TTN: variants seen among roughly 807,000 people sequenced by gnomAD.
TTN encodes the protein connectin.
In TTN, 1,525 loss-of-function variants were observed where a neutral mutation model predicts 3,223.0. That is an observed-to-expected ratio of 0.47 (90% CI 0.45 to 0.49). The LOEUF (loss-of-function observed/expected upper bound fraction) is 0.49. Among genes scored for constraint, TTN ranks in the 20% least tolerant of loss-of-function variants. The pLI is 0.00. For synonymous variants in TTN, 14,094 were observed against 15,161.0 expected (o/e 0.93, Z 5.17); for missense variants, 40,786 against 43,424.0 (o/e 0.94, Z 5.40).
chr2:178,556,451 CAAACAA>C, intron 330 of TTN: 1 of 215,324 alleles, frequency 4.6e-6, no homozygotes, highest in Non-Finnish European at 8.9e-6. Context: ...AACAAACAAA[CAAACAA>C]AAAAAAAAAA....
Position 178,589,450 on chromosome 2 carries a change from C to T in TTN, c.62275G>A (p.Glu20759Lys), listed in dbSNP as rs562680371. 2.6e-4 allele frequency: 427 copies of T among 1,613,386 alleles called. 7 individuals are homozygous for T. In the South Asian group the frequency reaches 4.4e-3, roughly 17 times the overall value. ...GGESDWVKTE[E>K]VVVKEDLQKP... ...TGTAAGTCTTCTTTCACAACAACTT[C>T]CTCTGTCTTCACCCAGTCACTTTCC... Residue 20759 changes from glutamate (E) to lysine (K), a missense_variant, in exon 304 of 363, where the codon GAA (glutamate) becomes AAA (lysine). Coordinates refer to ENST00000589042, the MANE Select transcript of TTN (RefSeq NM_001267550.2).
chr2:178,617,543 A>T (rs778918376), intron 253 of TTN, 31 bp from the exon 254 acceptor site: 6 of 1,546,396 alleles, frequency 3.9e-6, no homozygotes, highest in Non-Finnish European at 5.2e-6. Context: ...GGAGCATACC[A>T]TTTACGTTAG....
chr2:178,620,822 G>T lies in TTN; in HGVS notation c.45788C>A (p.Thr15263Asn), dbSNP rs1198734931. The T allele has an allele frequency of 3.1e-6, 5 of 1,612,568 alleles. No individual in the cohort carries two copies. The highest frequency in any genetic ancestry group is 2.2e-5 in the East Asian group (1 of 44,762). Residue 15263 changes from threonine (T) to asparagine (N), a missense_variant, in exon 247 of 363, where the codon ACC (threonine) becomes AAC (asparagine). Transcript: ENST00000589042. Reference sequence around the variant, plus strand: ...TAAGTGTGCATCTCTAATTCTGAGGGTGTAGACTAGGTCTTTTTGGAGAAT... The same window carrying T: ...TAAGTGTGCATCTCTAATTCTGAGGTTGTAGACTAGGTCTTTTTGGAGAAT... ...YIILQKDLVYTLRIRDAHLDD... is the reference protein window; with the variant it reads ...YIILQKDLVYNLRIRDAHLDD...
At position 178,636,906 on chromosome 2, in the gene TTN, G is replaced by A. The variant is rs2060505689; in HGVS notation, c.40928-107C>T. The A allele has an allele frequency of 9.2e-6, 12 of 1,301,442 alleles. No individual in the cohort carries two copies. Among genetic ancestry groups the A allele is most frequent in the Middle Eastern group, 2.4e-4 (1 of 4,186 alleles). The allele number at this position is 1,301,442 out of a possible 1,614,324, so 80.6% of individuals were successfully genotyped here. The stretch of plus-strand genomic sequence containing the variant: ...ACCAGCCGTAAAGCAATTAGAAGAC[G>A]AGAAAACTAAAGACCAGGCAATTGA... On this transcript the variant is annotated intron_variant, in intron 224 of 362. Coordinates refer to ENST00000589042, the MANE Select transcript of TTN (RefSeq NM_001267550.2). This position sits in a 1 kb window ranked among gnomAD's most constrained non-coding sequence, Gnocchi z 4.3.
In TTN at chr2:178,557,967, G is replaced by C. The variant is rs1335641292; in HGVS notation, c.87387C>G (p.Phe29129Leu). Residue 29129 changes from phenylalanine to leucine, a missense_variant, in exon 328 of 363, where the codon TTC becomes TTG. Phe to Leu is a conservative substitution (Grantham distance 22). Transcript: ENST00000589042. ...GCCTGTCTAGCACAACAATGTTAAT[G>C]AAAGCTTTGGTTGTACCACTGGAGT... ...AANSSGTTKA[F>L]INIVVLDRPG... 1.9e-6 allele frequency: 3 copies of C among 1,613,246 alleles called. No individual in the cohort carries two copies. Among genetic ancestry groups the C allele is most frequent in the Non-Finnish European group, 2.5e-6 (3 of 1,179,876 alleles).
Position 178,774,055 on chromosome 2 carries a change from G to T in TTN, c.7113C>A (p.Asp2371Glu). ...GLSDQKVCEG[D>E]IVQLEVKVSL... Reference sequence around the variant, plus strand: ...AGACTTTAACTTCAAGCTGAACAATGTCACCCTCACAGACTTTTTGGTCAC... The same window carrying T: ...AGACTTTAACTTCAAGCTGAACAATTTCACCCTCACAGACTTTTTGGTCAC... The change falls in exon 31 of 363, where the codon GAC (aspartate) becomes GAA (glutamate). Residue 2371 changes from aspartate (D) to glutamate (E), a missense_variant. Physicochemically the swap from Asp to Glu is conservative, Grantham distance 45. Coordinates refer to ENST00000589042, the MANE Select transcript of TTN (RefSeq NM_001267550.2). 1 of 1,614,050 alleles carries T rather than the reference G, an allele frequency of 6.2e-7. No homozygotes were observed. The highest frequency in any genetic ancestry group is 8.5e-7 in the Non-Finnish European group (1 of 1,179,990).
chr2:178,739,052 C>G, intron 48 of TTN, 89 bp downstream of exon 48: 1 of 1,376,982 alleles, frequency 7.3e-7, no homozygotes, highest in Non-Finnish European at 9.5e-7. Flanking sequence ...CTGGAAGTGG[C>G]AGATAAGTGA....
At chr2:178,647,587 G>T in intron 213 of TTN, 123 bp from the exon 214 acceptor site, 1 of 860,498 alleles carries the variant, frequency 1.2e-6, no homozygotes, top group Non-Finnish European at 1.8e-6. Flanking sequence ...AATGGCTTCT[G>T]AGACATGGCA....
chr2:178,650,234 T>C lies in TTN; in HGVS notation c.39747A>G (p.Glu13249=), dbSNP rs1373434829. 1 of 1,594,864 alleles carries C rather than the reference T, an allele frequency of 6.3e-7. No individual in the cohort carries two copies. The highest frequency in any genetic ancestry group is 1.1e-5 in the South Asian group (1 of 87,978). The change falls in exon 210 of 363, where the codon GAA becomes GAG. Residue 13249 remains glutamate, a synonymous_variant. Transcript: ENST00000589042. ...EEPEEIAPEE[E]IAPEEEKPVP... ...CTGGCTTTTCCTCTTCAGGAGCAAT[T>C]TCCTCTTCAGGAGCAATTTCCTCAG...
Position 178,768,047 on chromosome 2 carries a change from A to C in TTN, c.9272T>G (p.Met3091Arg). The change falls in exon 39 of 363, where the codon ATG becomes AGG. Residue 3091 changes from methionine to arginine, a missense_variant. Transcript: ENST00000589042. ...GATCTGCAGTTCCTGGTCATCTTTC[A>C]TCCACTGTACAGTGATGTCAGGTTC... ...VSEPDITVQW[M>R]KDDQELQITD... is the part of the protein sequence containing the mutation. 6 of 1,614,134 alleles carry C rather than the reference A, an allele frequency of 3.7e-6. No homozygotes were observed. Among genetic ancestry groups the C allele is most frequent in the Non-Finnish European group, 5.1e-6 (6 of 1,180,014 alleles).
intron 349 of TTN, 54 bp downstream of exon 349, chr2:178,542,210 G>T: frequency 1.3e-6 from 2 of 1,499,436 alleles, no homozygotes; most frequent in Admixed American, 4.3e-5. Flanking sequence ...ATTCTTTTTT[G>T]TTAACATTCA....
At position 178,565,882 on chromosome 2, in the gene TTN, T is replaced by C. The variant is rs943041818; in HGVS notation, c.80250A>G (p.Gly26750=). 1 of 1,613,670 alleles carries C rather than the reference T, an allele frequency of 6.2e-7. No individual in the cohort carries two copies. Among genetic ancestry groups the C allele is most frequent in the East Asian group, 2.2e-5 (1 of 44,850 alleles). The part of the protein sequence containing the change: ...TSFKVENLTE[G]AIYYFRVMAE... ...CCATGACTCTGAAGTAATAAATGGC[T>C]CCTTCTGTAAGGTTTTCCACTTTAA... Residue 26750 remains glycine (G), a synonymous_variant, in exon 326 of 363, where the codon GGA becomes GGG. Coordinates refer to ENST00000589042, the MANE Select transcript of TTN (RefSeq NM_001267550.2).
At chr2:178,724,614 T>G in intron 71 of TTN, 76 bp from the exon 72 acceptor site, 1 of 1,421,506 alleles carries the variant, frequency 7.0e-7, no homozygotes, top group Non-Finnish European at 9.2e-7. Context: ...TCACTAAGAT[T>G]GTTTCTCCCA....
intron 83 of TTN, 57 bp downstream of exon 83, chr2:178,719,107 C>G (rs1171556144): frequency 1.3e-6 from 2 of 1,556,992 alleles, no homozygotes; most frequent in Non-Finnish European, 1.7e-6. Flanking sequence ...AAGGCAGGCA[C>G]CACGTCCACA....
Position 178,729,073 on chromosome 2 carries a change from G to A in TTN, c.18965C>T (p.Ser6322Phe). ...QSTVAGSPPI[S>F]ITWLKDDQIL... is the part of the protein sequence containing the mutation. ...CTGATCATCCTTTAGCCAGGTTATA[G>A]AAATAGGAGGAGAACCTGCCACGGT... Residue 6322 changes from serine (S) to phenylalanine (F), a missense_variant, in exon 65 of 363, where the codon TCT (serine) becomes TTT (phenylalanine). Ser to Phe is a radical substitution (Grantham distance 155). Transcript: ENST00000589042. 1 of 1,612,490 alleles carries A rather than the reference G, an allele frequency of 6.2e-7. No homozygotes were observed. The highest frequency in any genetic ancestry group is 8.5e-7 in the Non-Finnish European group (1 of 1,179,236).
In TTN at chr2:178,591,819, C is replaced by T. The variant is rs1559596455; in HGVS notation, c.60000G>A (p.Lys20000=). The T allele has an allele frequency of 6.2e-7, 1 of 1,613,286 alleles. No individual in the cohort carries two copies. The highest frequency in any genetic ancestry group is 8.5e-7 in the Non-Finnish European group (1 of 1,179,576). Residue 20000 remains lysine, a synonymous_variant, in exon 303 of 363, where the codon AAG becomes AAA. Transcript: ENST00000589042. ...DKTEVSLVWN[K]PDRDGGSPIT... is the part of the protein sequence containing the mutation. ...TTGGAGAACCACCATCACGATCCGG[C>T]TTATTCCAGACTAGGGAGACTTCAG...
chr2:178,679,365 T>C lies in TTN; in HGVS notation c.33716A>G (p.Lys11239Arg), dbSNP rs776076477. The change falls in exon 142 of 363, where the codon AAA becomes AGA. Residue 11239 changes from lysine to arginine, a missense_variant. Lys to Arg is a conservative substitution (Grantham distance 26, BLOSUM62 2). Coordinates refer to ENST00000589042, the MANE Select transcript of TTN (RefSeq NM_001267550.2). ...PEEKVPVLIP[K>R]KEKPPPAKVP... Reference sequence around the variant, plus strand: ...TTTTGCTGGCGGAGGCTTCTCCTTTTTAGGAATAAGCACAGGAACTTTCTC... The same window carrying C: ...TTTTGCTGGCGGAGGCTTCTCCTTTCTAGGAATAAGCACAGGAACTTTCTC... The C allele has an allele frequency of 6.2e-7, 1 of 1,612,776 alleles. No homozygotes were observed. Among genetic ancestry groups the C allele is most frequent in the East Asian group, 2.2e-5 (1 of 44,870 alleles).
At position 178,557,045 on chromosome 2, in the gene TTN, T is replaced by C. The variant is rs756679529; in HGVS notation, c.88109A>G (p.Tyr29370Cys). The change falls in exon 330 of 363, where the codon TAC becomes TGC. Residue 29370 changes from tyrosine to cysteine, a missense_variant. Tyr to Cys is a radical substitution (Grantham distance 194, BLOSUM62 -2). Coordinates refer to ENST00000589042, the MANE Select transcript of TTN (RefSeq NM_001267550.2). ...AFDGGSKITG[Y>C]IVERRDLPDG... ...TGGAAGGTCACGTCTCTCAACAATG[T>C]AGCCTGTAATCTTGCTACCTCCATC... 8.7e-6 allele frequency: 14 copies of C among 1,613,700 alleles called. No homozygotes were observed. The Admixed American group carries it at 2.3e-4, about 27-fold the overall frequency.
In TTN at chr2:178,617,351, T is replaced by G; in HGVS notation, c.47734A>C (p.Lys15912Gln). Residue 15912 changes from lysine to glutamine, a missense_variant, in exon 254 of 363, where the codon AAA (lysine) becomes CAA (glutamine). By Grantham distance (53) the Lys-to-Gln change is moderately conservative. Transcript: ENST00000589042. ...TTGTAAGTCAGTTCAGGGACAAGTT[T>G]CATATTGCAACGAATCCAATTATCT... ...GKDNWIRCNM[K>Q]LVPELTYKVT... 6.3e-7 allele frequency: 1 copy of G among 1,582,350 alleles called. No individual in the cohort carries two copies. The highest frequency in any genetic ancestry group is 1.4e-5 in the African/African-American group (1 of 73,450).
Sources: allele counts gnomAD v4.1 joint callset, GRCh38; gene constraint gnomAD v4.1.1; non-coding constraint Gnocchi (gnomAD v3.1); transcripts MANE v1.5; gene names NCBI Gene and HGNC (gene_info 2026-07-23, HGNC 2026-07-21).